The following PALLD variants were observed in gnomAD, a reference collection of about 807,000 sequenced individuals.
The protein encoded by PALLD is palladin, cytoskeletal associated protein.
A neutral mutation model predicts 123.5 loss-of-function variants in PALLD; 61 were observed. That is an observed-to-expected ratio of 0.49 (90% confidence interval 0.40 to 0.61). The LOEUF (loss-of-function observed/expected upper bound fraction) is 0.61, where lower values mean the gene tolerates loss of function less well. PALLD is among the 20% of genes least tolerant of loss of function. PALLD has a pLI of 0.00. For missense variants in PALLD, 1,273 were observed against 1,377.0 expected, an observed-to-expected ratio of 0.92 and a Z score of 1.20; for synonymous variants, 465 against 496.4, an observed-to-expected ratio of 0.94 and a Z score of 0.84.
chr4:168,717,807 T>C (rs934447912), intron 10 of PALLD, among the ~76,000 whole-genome samples: 1 of 152,270 alleles, frequency 6.6e-6, no homozygotes, highest in Non-Finnish European at 1.5e-5. Context: ...GGGATAGAAT[T>C]ACATTAGAAA....
chr4:168,754,959 G>A (rs11736975), intron 10 of PALLD, among the ~76,000 whole-genome samples: 6 of 152,288 alleles, frequency 3.9e-5, no homozygotes, highest in South Asian at 4.1e-4. Context: ...GTGGCCGGGC[G>A]CAGTGGCTCA....
chr4:168,793,960 C>T (rs1272892770), intron 10 of PALLD, among the ~76,000 whole-genome samples: 2 of 152,262 alleles, frequency 1.3e-5, no homozygotes, highest in Admixed American at 6.5e-5. Flanking sequence ...CCAGGAAGGC[C>T]ACGTTCTGCC....
At chr4:168,832,017 G>C (rs1189178161) in intron 10 of PALLD, 20 of 985,432 alleles carry the variant, frequency 2.0e-5, no homozygotes, top group Non-Finnish European at 2.4e-5. Flanking sequence ...ATTTTGAAGG[G>C]CGGCGGGTGA....
At chr4:168,688,456 A>G (rs374129332) in intron 6 of PALLD, among the ~76,000 whole-genome samples, 35 of 152,276 alleles carry the variant, frequency 2.3e-4, no homozygotes, top group African/African-American at 8.4e-4. Context: ...AAGAATCACA[A>G]TGTCAGGTGG....
chr4:168,725,526 T>TC (rs1294461964), intron 10 of PALLD, among the ~76,000 whole-genome samples: 9 of 134,854 alleles, frequency 6.7e-5, no homozygotes, highest in Non-Finnish European at 1.1e-4. Context: ...TAATTTCTTT[T>TC]TTTTTTTTTT....
intron 10 of PALLD, among the ~76,000 whole-genome samples, chr4:168,871,614 A>G (rs957962843): frequency 8.5e-5 from 13 of 152,234 alleles, no homozygotes; most frequent in Non-Finnish European, 1.3e-4. Context: ...TAGTTTTTAT[A>G]AGAATCAACT....
intron 10 of PALLD, among the ~76,000 whole-genome samples, chr4:168,881,653 A>G (rs776931857): frequency 5.9e-5 from 9 of 152,038 alleles, no homozygotes; most frequent in Non-Finnish European, 1.0e-4. Context: ...CTGTCAACAG[A>G]TACAAATATT....
intron 10 of PALLD, among the ~76,000 whole-genome samples, chr4:168,792,695 C>T (rs1737704650): frequency 6.6e-6 from 1 of 152,100 alleles, no homozygotes; most frequent in South Asian, 2.1e-4. Flanking sequence ...CTCCAAAACA[C>T]ATCTGTGTGG....
At chr4:168,882,565 C>A (rs1752754774) in intron 10 of PALLD, among the ~76,000 whole-genome samples, 1 of 96,956 alleles carries the variant, frequency 1.0e-5, no homozygotes, top group South Asian at 4.5e-4. Context: ...ACTTTGCAGA[C>A]ATCTCATCTA....
At chr4:168,707,676 T>C (rs554769471) in intron 8 of PALLD, among the ~76,000 whole-genome samples, 22 of 152,246 alleles carry the variant, frequency 1.4e-4, no homozygotes, top group African/African-American at 5.1e-4. Context: ...TGCCACTTTA[T>C]GAAGGTGTTG....
At chr4:168,832,101 A>G (rs1351995900) in intron 10 of PALLD, 1 of 985,064 alleles carries the variant, frequency 1.0e-6, no homozygotes, top group Non-Finnish European at 1.2e-6. Flanking sequence ...CGGTCCGCGG[A>G]GCCCGCTGCA....
chr4:168,698,549 T>C (rs1423637236), intron 8 of PALLD, among the ~76,000 whole-genome samples: 1 of 152,042 alleles, frequency 6.6e-6, no homozygotes, highest in Non-Finnish European at 1.5e-5. Context: ...AAACAAAATA[T>C]GGAGATACCA....
chr4:168,525,695 T>C (rs979845464), intron 2 of PALLD, among the ~76,000 whole-genome samples: 1 of 152,218 alleles, frequency 6.6e-6, no homozygotes, highest in African/African-American at 2.4e-5. Context: ...ATACCTCAAA[T>C]TAAAGATACC....
intron 2 of PALLD, chr4:168,631,496 G>C (rs1385644491): frequency 3.8e-6 from 2 of 524,606 alleles, no homozygotes; most frequent in Non-Finnish European, 4.9e-6. Flanking sequence ...AGCATGGAGT[G>C]AAGGGAGTTA....
At chr4:168,768,672 G>GT (rs1231931907) in intron 10 of PALLD, among the ~76,000 whole-genome samples, 1 of 152,164 alleles carries the variant, frequency 6.6e-6, no homozygotes, top group African/African-American at 2.4e-5. Flanking sequence ...TGAATGGTAT[G>GT]TTTTTTCTTT....
chr4:168,569,944 T>C (rs1030736461), intron 2 of PALLD, among the ~76,000 whole-genome samples: 7 of 152,314 alleles, frequency 4.6e-5, no homozygotes, highest in African/African-American at 9.6e-5. Context: ...TTTTAATTCC[T>C]GCCAAGCAAT....
rs527649804 is a variant in PALLD, at chr4:168,743,896, G to A, written c.1964+31973G>A. ...CCAAAACAAGCACAAGATAAATAAGGGGGATTTGGAAATTTCCAAATTTTA... is the reference window on the plus strand; with the variant it reads ...CCAAAACAAGCACAAGATAAATAAGAGGGATTTGGAAATTTCCAAATTTTA... On this transcript the variant is annotated intron_variant, in intron 10 of 21. Coordinates refer to ENST00000505667, the MANE Select transcript of PALLD (RefSeq NM_001166108.2). Among the ~76,000 whole-genome samples the A allele has an allele frequency of 2.0e-5, 3 of 152,246 alleles. No individual in the cohort carries two copies. In the East Asian group the frequency reaches 5.8e-4, roughly 29 times the overall value.
chr4:168,596,907 C>T (rs1449963800), intron 2 of PALLD, among the ~76,000 whole-genome samples: 1 of 151,968 alleles, frequency 6.6e-6, no homozygotes, highest in African/African-American at 2.4e-5. Context: ...CATACTTAAG[C>T]CCCAATAAAT....
chr4:168,713,693 T>C (rs1204638929), intron 10 of PALLD, among the ~76,000 whole-genome samples: 1 of 152,040 alleles, frequency 6.6e-6, no homozygotes, highest in African/African-American at 2.4e-5. Context: ...GATGACAGCT[T>C]AAGCACAAGT....
Sources: gnomAD v4.1 joint callset for allele counts (sites outside exome capture counted in the v4.1 genomes callset) on GRCh38, gnomAD v4.1.1 for gene constraint, MANE v1.5 for transcripts, NCBI Gene and HGNC (gene_info 2026-07-23, HGNC 2026-07-21) for gene names.